Variants in CLHC1 observed in about 807,000 individuals in gnomAD.
The protein encoded by CLHC1 is clathrin heavy chain linker domain-containing protein 1.
A neutral mutation model predicts 69.5 loss-of-function variants in CLHC1; 72 were observed. That is an observed-to-expected ratio of 1.04 (90% CI 0.86 to 1.26). The LOEUF (loss-of-function observed/expected upper bound fraction) is 1.26. Ranked by LOEUF, CLHC1 falls within the 50% of genes most tolerant of loss-of-function variation. The probability of loss-of-function intolerance (pLI) is 0.00; values close to 1 mark genes in which losing one functional copy is unlikely to be tolerated. For missense variants in CLHC1, 790 were observed against 679.3 expected, an observed-to-expected ratio of 1.16 and a Z score of -1.81; for synonymous variants, 223 against 224.3, an observed-to-expected ratio of 0.99 and a Z score of 0.05.
At chr2:55,224,706 T>C in intron 2 of CLHC1, 1 of 266,198 alleles carries the variant, frequency 3.8e-6, no homozygotes, top group Non-Finnish European at 8.0e-6. Flanking sequence ...TGGAAAGGAG[T>C]GCAGTTTATT....
At chr2:55,193,495 C>A (rs1479210410) in intron 9 of CLHC1, among the ~76,000 whole-genome samples, 1 of 152,080 alleles carries the variant, frequency 6.6e-6, no homozygotes, top group Non-Finnish European at 1.5e-5. Context: ...ACAGACATTT[C>A]TCCAAAGAAG....
chr2:55,198,754 C>G (rs1032350593), intron 9 of CLHC1, among the ~76,000 whole-genome samples: 1 of 152,152 alleles, frequency 6.6e-6, no homozygotes, highest in East Asian at 1.9e-4. Context: ...AAGAAAAGAT[C>G]CTAAAAGCAG....
At chr2:55,193,660 C>CT (rs1671137311) in intron 9 of CLHC1, among the ~76,000 whole-genome samples, 1 of 152,076 alleles carries the variant, frequency 6.6e-6, no homozygotes, top group Admixed American at 6.5e-5. Flanking sequence ...ATAAGGAACC[C>CT]TTATACATTA....
intron 8 of CLHC1, among the ~76,000 whole-genome samples, chr2:55,207,391 T>C (rs565420085): frequency 2.6e-5 from 4 of 152,288 alleles, no homozygotes; most frequent in South Asian, 2.1e-4. Context: ...TAAAGTAATA[T>C]TAAGCAAAAT....
intron 9 of CLHC1, among the ~76,000 whole-genome samples, chr2:55,187,200 A>C (rs1670495645): frequency 1.3e-5 from 2 of 151,678 alleles, no homozygotes; most frequent in Admixed American, 1.3e-4. Context: ...AATCGCTTGA[A>C]CCCGGGAGGC....
At position 55,209,433 on chromosome 2, in the gene CLHC1, T is replaced by G; in HGVS notation, c.785A>C (p.Glu262Ala). The G allele has an allele frequency of 6.2e-7, 1 of 1,606,272 alleles. No homozygotes were observed. The highest frequency in any genetic ancestry group is 8.5e-7 in the Non-Finnish European group (1 of 1,177,262). The stretch of plus-strand genomic sequence containing the variant: ...TAAATATTTGGTTTTCTGAATTTGC[T>G]CCACAAAGTCTTGAAATGGGCTGCT... ...DMSSPFQDFV[E>A]QIQKTKYLQG... The change falls in exon 7 of 13, where the codon GAG becomes GCG. Residue 262 changes from glutamate to alanine, a missense_variant. Transcript: ENST00000401408.
chr2:55,222,550 T>C, intron 2 of CLHC1, 57 bp from the exon 3 acceptor site: 1 of 613,058 alleles, frequency 1.6e-6, no homozygotes. Context: ...AAGTCAAATA[T>C]TGATCTAAAA....
Position 55,182,029 on chromosome 2 carries a change from A to G in CLHC1, c.1007-285T>C, listed in dbSNP as rs147823313. ...AAGCTAGGAGAGAGGCATGGAATGG[A>G]ATCTCCCTTAGAGCCTCCAGAAGGA... On this transcript the variant is annotated intron_variant, in intron 9 of 12. Transcript: ENST00000401408. Among the ~76,000 whole-genome samples, 63 of 152,154 alleles carry G rather than the reference A, an allele frequency of 4.1e-4. No individual in the cohort carries two copies. In the East Asian group the frequency reaches 0.012, roughly 29 times the overall value.
At chr2:55,202,487 C>T (rs184546207) in intron 9 of CLHC1, among the ~76,000 whole-genome samples, 47 of 149,706 alleles carry the variant, frequency 3.1e-4, no homozygotes, top group African/African-American at 9.8e-4. Flanking sequence ...ACCCAGGAGG[C>T]GGAGTTTGCA....
At chr2:55,194,815 G>A (rs898185852) in intron 9 of CLHC1, among the ~76,000 whole-genome samples, 3 of 152,076 alleles carry the variant, frequency 2.0e-5, no homozygotes, top group African/African-American at 7.2e-5. Flanking sequence ...ATAGTGAAAC[G>A]ATTAATATGT....
At chr2:55,210,552 T>G (rs1463997584) in intron 5 of CLHC1, among the ~76,000 whole-genome samples, 1 of 152,098 alleles carries the variant, frequency 6.6e-6, no homozygotes, top group Non-Finnish European at 1.5e-5. Context: ...TGAGAACACA[T>G]AAACCTTAGC....
chr2:55,187,344 G>A (rs913393031), intron 9 of CLHC1, among the ~76,000 whole-genome samples: 1 of 147,374 alleles, frequency 6.8e-6, no homozygotes, highest in Non-Finnish European at 1.5e-5. Flanking sequence ...CAGGCGTGGT[G>A]GCTCACGCTT....
chr2:55,228,492 T>C lies in CLHC1; in HGVS notation c.-255-288A>G, dbSNP rs191459531. On this transcript the variant is annotated intron_variant, in intron 1 of 12. Coordinates refer to ENST00000401408, the MANE Select transcript of CLHC1 (RefSeq NM_152385.4). ...TACCATTCATTCATTCATTCATTCA[T>C]ATTAGACATTTAGGGATGTGTTGAC... Among the ~76,000 whole-genome samples the C allele has an allele frequency of 1.1e-3, 175 of 152,328 alleles. 2 individuals are homozygous for C. In the East Asian group the frequency reaches 0.027, roughly 24 times the overall value.
chr2:55,209,797 A>AT lies in CLHC1; in HGVS notation c.533_534insA (p.Leu179SerfsTer3). On this transcript the variant is annotated frameshift_variant, in exon 6 of 13. Transcript: ENST00000401408. LOFTEE classifies it high-confidence loss of function. ...CAAGATGTTTCATGTATTTAGTGAG[A>AT]GCATCTAGATTCATGGATTCTTGAA... The AT allele has an allele frequency of 6.2e-7, 1 of 1,610,858 alleles. No homozygotes were observed. The highest frequency in any genetic ancestry group is 8.5e-7 in the Non-Finnish European group (1 of 1,178,024).
intron 9 of CLHC1, among the ~76,000 whole-genome samples, chr2:55,185,451 G>C (rs1219414354): frequency 1.3e-5 from 2 of 152,190 alleles, no homozygotes; most frequent in Non-Finnish European, 2.9e-5. Context: ...AACAGGCACA[G>C]TTGAGGGTAG....
intron 9 of CLHC1, among the ~76,000 whole-genome samples, chr2:55,202,835 G>A (rs924095787): frequency 2.7e-5 from 4 of 146,920 alleles, no homozygotes; most frequent in Admixed American, 2.1e-4. Flanking sequence ...GGAGGCAGAG[G>A]TTGTAGTGAG....
intron 9 of CLHC1, among the ~76,000 whole-genome samples, chr2:55,194,489 G>A (rs532516390): frequency 2.5e-4 from 38 of 151,786 alleles, no homozygotes; most frequent in African/African-American, 8.7e-4. Flanking sequence ...TCATGAACAA[G>A]GCAGAAATAT....
At position 55,217,517 on chromosome 2, in the gene CLHC1, C is replaced by T. The variant is rs1285435568; in HGVS notation, c.365+294G>A. On this transcript the variant is annotated intron_variant, in intron 4 of 12. Transcript: ENST00000401408. ...CAGCCTGGGCAACAAGAGTGAAACC[C>T]TGTCTCAAAAAAAAAAAAAAAAAAA... Among the ~76,000 whole-genome samples the T allele has an allele frequency of 9.2e-5, 5 of 54,342 alleles. No individual in the cohort carries two copies. In the East Asian group the frequency reaches 2.8e-3, roughly 30 times the overall value. 35.7% of individuals were successfully genotyped at this position (54,342 alleles called of 152,430 possible).
At chr2:55,177,099 C>CT (rs1669463690) in intron 12 of CLHC1, among the ~76,000 whole-genome samples, 1 of 152,114 alleles carries the variant, frequency 6.6e-6, no homozygotes, top group Non-Finnish European at 1.5e-5. Flanking sequence ...TCTTGAACTC[C>CT]TGAGCTCAAG....
Sources: gnomAD v4.1 joint callset for allele counts (sites outside exome capture counted in the v4.1 genomes callset) on GRCh38, gnomAD v4.1.1 for gene constraint, MANE v1.5 for transcripts, NCBI Gene and HGNC (gene_info 2026-07-23, HGNC 2026-07-21) for gene names.